The following MAGI2 variants were observed in gnomAD, a reference collection of about 807,000 sequenced individuals.
The protein encoded by MAGI2 is membrane associated guanylate kinase, WW and PDZ domain containing 2.
In MAGI2, 35 loss-of-function variants were observed where a neutral mutation model predicts 133.3. That is an observed-to-expected ratio of 0.26 (90% CI 0.20 to 0.35). The LOEUF (loss-of-function observed/expected upper bound fraction) is 0.35. Among genes scored for constraint, MAGI2 ranks in the 10% least tolerant of loss-of-function variants. MAGI2 has a pLI of 1.00. For synonymous variants in MAGI2, 729 were observed against 710.6 expected, an observed-to-expected ratio of 1.03 and a Z score of -0.41; for missense variants, 1,636 against 1,863.4, an observed-to-expected ratio of 0.88 and a Z score of 2.25.
chr7:78,647,920 C>A (rs1179812437), intron 2 of MAGI2, among the ~76,000 whole-genome samples: 8 of 152,118 alleles, frequency 5.3e-5, no homozygotes, highest in African/African-American at 1.9e-4. Flanking sequence ...ACCGCATGTT[C>A]TCAGTCACAA....
intron 2 of MAGI2, among the ~76,000 whole-genome samples, chr7:78,751,876 T>C (rs1425172188): frequency 1.3e-5 from 2 of 152,202 alleles, no homozygotes; most frequent in African/African-American, 4.8e-5. Flanking sequence ...TGGCTTGAAG[T>C]TGCATAGAAG....
At chr7:79,036,323 G>A (rs534422674) in intron 1 of MAGI2, among the ~76,000 whole-genome samples, 1 of 152,264 alleles carries the variant, frequency 6.6e-6, no homozygotes, top group Admixed American at 6.5e-5. Context: ...ACTACTTATG[G>A]ATAGATGTTA....
At chr7:78,752,771 G>C (rs1341859233) in intron 2 of MAGI2, among the ~76,000 whole-genome samples, 1 of 152,162 alleles carries the variant, frequency 6.6e-6, no homozygotes, top group Admixed American at 6.5e-5. Flanking sequence ...AGCTGCCAAG[G>C]TCTCCTTTTC....
At position 78,290,004 on chromosome 7, in the gene MAGI2, G is replaced by C. The variant is rs576332772; in HGVS notation, c.1409-33423C>G. On this transcript the variant is annotated intron_variant, in intron 9 of 21. Transcript: ENST00000354212. The stretch of plus-strand genomic sequence containing the variant: ...CGGTACCAGCCACTGCAAAAAGATG[G>C]AAATTGTAAAGACCATTGACACTAT... Among the ~76,000 whole-genome samples, 258 of 152,186 alleles carry C rather than the reference G, an allele frequency of 1.7e-3. 2 individuals carry two copies. The highest frequency in any genetic ancestry group is 5.8e-3 in the African/African-American group (241 of 41,518).
intron 1 of MAGI2, among the ~76,000 whole-genome samples, chr7:79,251,564 T>C (rs1833274197): frequency 6.6e-6 from 1 of 152,036 alleles, no homozygotes; most frequent in South Asian, 2.1e-4. Flanking sequence ...AAAAGGCTTT[T>C]ATAAAAAAGA....
intron 1 of MAGI2, among the ~76,000 whole-genome samples, chr7:79,070,306 T>A (rs933836487): frequency 1.3e-5 from 2 of 151,736 alleles, no homozygotes; most frequent in African/African-American, 4.8e-5. Context: ...GTTCATTTCT[T>A]TTCATTCTTT....
intron 6 of MAGI2, among the ~76,000 whole-genome samples, chr7:78,435,994 C>G (rs982793997): frequency 1.3e-5 from 2 of 152,130 alleles, no homozygotes; most frequent in Non-Finnish European, 2.9e-5. Context: ...CCATTTTGAA[C>G]AAGGTCCTTC....
At chr7:78,279,600 A>G (rs779026066) in intron 9 of MAGI2, among the ~76,000 whole-genome samples, 22 of 152,066 alleles carry the variant, frequency 1.4e-4, no homozygotes, top group Non-Finnish European at 2.6e-4. Context: ...GTGGGAGCTG[A>G]TGAAACCAAA....
At chr7:79,236,255 T>A (rs1183448253) in intron 1 of MAGI2, among the ~76,000 whole-genome samples, 1 of 152,220 alleles carries the variant, frequency 6.6e-6, no homozygotes, top group African/African-American at 2.4e-5. Context: ...ATTAATATGT[T>A]AATGGGTTAA....
intron 21 of MAGI2, among the ~76,000 whole-genome samples, chr7:78,023,086 G>A (rs1808569856): frequency 6.6e-6 from 1 of 152,084 alleles, no homozygotes; most frequent in Non-Finnish European, 1.5e-5. Context: ...TATGGTGTCT[G>A]TCCAGGCACG....
intron 21 of MAGI2, among the ~76,000 whole-genome samples, chr7:78,063,644 G>A (rs1325879456): frequency 6.6e-6 from 1 of 151,914 alleles, no homozygotes; most frequent in Non-Finnish European, 1.5e-5. Flanking sequence ...GACTTTCCTT[G>A]AACCATTTCG....
intron 2 of MAGI2, among the ~76,000 whole-genome samples, chr7:78,859,027 A>G (rs1167887608): frequency 1.3e-5 from 2 of 151,600 alleles, no homozygotes; most frequent in Non-Finnish European, 2.9e-5. Context: ...TTGCGGGTTT[A>G]GAGTCTGTTT....
chr7:78,382,957 TTGAA>T (rs1230430014), intron 6 of MAGI2, among the ~76,000 whole-genome samples: 1 of 152,166 alleles, frequency 6.6e-6, no homozygotes, highest in Non-Finnish European at 1.5e-5. Context: ...TTATTTATGA[TTGAA>T]TATTATTCTA....
intron 21 of MAGI2, among the ~76,000 whole-genome samples, chr7:78,056,522 A>G (rs1372238000): frequency 6.6e-6 from 1 of 152,210 alleles, no homozygotes; most frequent in African/African-American, 2.4e-5. Flanking sequence ...TTGCAGAAAC[A>G]TGGTTGGAGC....
At chr7:79,304,191 GTGTGTGTGTGTC>G (rs1837594532) in intron 1 of MAGI2, among the ~76,000 whole-genome samples, 2 of 83,782 alleles carry the variant, frequency 2.4e-5, no homozygotes, top group South Asian at 4.4e-4. Context: ...ATGTGTGTGT[GTGTGTGTGTGTC>G]TGTGTGTGTG....
At chr7:78,167,469 G>A (rs927163929) in intron 15 of MAGI2, among the ~76,000 whole-genome samples, 2 of 152,216 alleles carry the variant, frequency 1.3e-5, no homozygotes, top group Non-Finnish European at 2.9e-5. Context: ...TATATCAGGA[G>A]CAACAGCTTT....
intron 6 of MAGI2, among the ~76,000 whole-genome samples, chr7:78,433,833 T>C (rs988616103): frequency 1.3e-5 from 2 of 152,130 alleles, no homozygotes; most frequent in Non-Finnish European, 2.9e-5. Flanking sequence ...TATGCACATA[T>C]AGTCCAACAA....
At position 78,589,188 on chromosome 7, in the gene MAGI2, T is replaced by TTCA. The variant is rs960575908; in HGVS notation, c.538+37929_538+37931dup. On this transcript the variant is annotated intron_variant, in intron 3 of 21. Coordinates refer to ENST00000354212, the MANE Select transcript of MAGI2 (RefSeq NM_012301.4). ...AAAAATTCACCAAGCAAATCTACGT[T>TTCA]TCATCATCATCATCATCACCATCAC... Among the ~76,000 whole-genome samples the TTCA allele has an allele frequency of 5.3e-5, 8 of 152,250 alleles. No individual in the cohort carries two copies. In the East Asian group the frequency reaches 9.7e-4, roughly 18 times the overall value.
In MAGI2 at chr7:78,600,096, C is replaced by T. The variant is rs113423784; in HGVS notation, c.538+27024G>A. ...TCTTAAAAACCAATAAAATTGGATA[C>T]CTTTTTGTAAATATCTCCATAAGTT... On this transcript the variant is annotated intron_variant, in intron 3 of 21. Coordinates refer to ENST00000354212, the MANE Select transcript of MAGI2 (RefSeq NM_012301.4). Among the ~76,000 whole-genome samples the T allele has an allele frequency of 4.3e-3, 653 of 152,182 alleles. 8 individuals carry two copies. The highest frequency in any genetic ancestry group is 0.015 in the African/African-American group (627 of 41,524).
Sources: allele counts gnomAD v4.1 joint callset (sites outside exome capture counted in the v4.1 genomes callset), GRCh38; gene constraint gnomAD v4.1.1; transcripts MANE v1.5; gene names NCBI Gene and HGNC (gene_info 2026-07-23, HGNC 2026-07-21).